Variants in DHX15 observed in about 807,000 individuals in gnomAD.
The protein encoded by DHX15 is ATP-dependent RNA helicase DHX15.
Under a neutral mutation model 94.4 loss-of-function variants are expected in DHX15, and 11 were observed. That is an observed-to-expected ratio of 0.12 (90% CI 0.07 to 0.19). The LOEUF (loss-of-function observed/expected upper bound fraction) is 0.19, where lower values mean the gene tolerates loss of function less well. DHX15 is among the 10% of genes least tolerant of loss of function. DHX15 has a pLI of 1.00. For missense variants in DHX15, 304 were observed against 988.5 expected (o/e 0.31, Z 9.29); for synonymous variants, 338 against 329.9 (o/e 1.02, Z -0.27).
chr4:24,573,750 T>C (rs1722176158), intron 2 of DHX15, among the ~76,000 whole-genome samples: 1 of 152,202 alleles, frequency 6.6e-6, no homozygotes, highest in Admixed American at 6.5e-5. Context: ...ACCCTCTGTA[T>C]TCTAGCCAGA....
Position 24,558,269 on chromosome 4 carries a change from TTG to T in DHX15, c.702-1861_702-1860del, listed in dbSNP as rs200885476. On this transcript the variant is annotated intron_variant, in intron 3 of 13. Transcript: ENST00000336812. ...CCACCAACTACAAGACCTCAGTAGA[TTG>T]TGAGACACATTGTAACTTCAGACAA... Among the ~76,000 whole-genome samples, 3 of 152,146 alleles carry T rather than the reference TTG, an allele frequency of 2.0e-5. No individual in the cohort carries two copies. In the East Asian group the frequency reaches 5.8e-4, roughly 29 times the overall value.
intron 4 of DHX15, among the ~76,000 whole-genome samples, chr4:24,555,967 G>A (rs567224814): frequency 1.2e-4 from 19 of 152,254 alleles, no homozygotes; most frequent in Non-Finnish European, 1.0e-4. Flanking sequence ...ACTTAATGAA[G>A]GGTACAGTGA....
intron 1 of DHX15, among the ~76,000 whole-genome samples, chr4:24,577,213 T>C (rs1722288156): frequency 6.6e-6 from 1 of 152,224 alleles, no homozygotes; most frequent in Non-Finnish European, 1.5e-5. Flanking sequence ...AATAAATTAC[T>C]TTAATATTCC....
At chr4:24,538,841 A>C (rs1247945886) in intron 10 of DHX15, 1 of 152,200 alleles carries the variant, frequency 6.6e-6, no homozygotes, top group Non-Finnish European at 1.5e-5. Flanking sequence ...AAACAACAGT[A>C]ATCATGTAAG....
chr4:24,582,906 A>G (rs1301965113), intron 1 of DHX15, among the ~76,000 whole-genome samples: 1 of 152,174 alleles, frequency 6.6e-6, no homozygotes, highest in Non-Finnish European at 1.5e-5. Flanking sequence ...CTTTTTTACA[A>G]TGCCTAATAT....
In DHX15 at chr4:24,584,489, C is replaced by G; in HGVS notation, c.-96G>C. On this transcript the variant is annotated 5_prime_UTR_variant, in exon 1 of 14. Transcript: ENST00000336812. ...CCACTTAACTCTGGAGGACCCCCAC[C>G]CCTCCCGCTACTACAGCCCACACGG... 1 of 1,210,778 alleles carries G rather than the reference C, an allele frequency of 8.3e-7. No individual in the cohort carries two copies. Among genetic ancestry groups the G allele is most frequent in the Non-Finnish European group, 1.2e-6 (1 of 862,832 alleles). 75.0% of individuals were successfully genotyped at this position (1,210,778 alleles called of 1,614,324 possible).
chr4:24,572,355 C>T (rs553305290), intron 2 of DHX15, among the ~76,000 whole-genome samples: 1 of 152,146 alleles, frequency 6.6e-6, no homozygotes, highest in African/African-American at 2.4e-5. Flanking sequence ...AAGCTGGTGT[C>T]GAACTCCTGA....
intron 1 of DHX15, chr4:24,581,042 T>C (rs191438647): frequency 4.6e-5 from 7 of 151,784 alleles, no homozygotes; most frequent in African/African-American, 1.7e-4. Context: ...ATTATTTTTT[T>C]TTTTTTGAGA....
chr4:24,541,823 T>C (rs1280616967), intron 8 of DHX15, 50 bp downstream of exon 8: 10 of 1,477,644 alleles, frequency 6.8e-6, no homozygotes, highest in African/African-American at 1.4e-5. Flanking sequence ...GGTAAGATAA[T>C]TCAACCTAAC....
At chr4:24,541,163 C>T (rs1000371503) in intron 8 of DHX15, among the ~76,000 whole-genome samples, 9 of 152,078 alleles carry the variant, frequency 5.9e-5, no homozygotes, top group African/African-American at 2.2e-4. Flanking sequence ...CCATAAAACT[C>T]GCAACTGCAG....
intron 2 of DHX15, among the ~76,000 whole-genome samples, chr4:24,575,341 C>T (rs2109011147): frequency 6.6e-6 from 1 of 152,200 alleles, no homozygotes; most frequent in African/African-American, 2.4e-5. Flanking sequence ...CACTTCAATA[C>T]TTTCCTGAAT....
Position 24,576,125 on chromosome 4 carries a change from GCTAT to G in DHX15, c.507+114_507+117del. On this transcript the variant is annotated intron_variant, in intron 2 of 13. Transcript: ENST00000336812. The stretch of plus-strand genomic sequence containing the variant: ...AGAGTGCCAATTAAACATCAAATCA[GCTAT>G]TCTTCAAGATGTTCTATAGGACAGA... The G allele has an allele frequency of 2.3e-5, 17 of 755,152 alleles. No individual in the cohort carries two copies. The South Asian group carries it at 3.2e-4, about 14-fold the overall frequency. The allele number at this position is 755,152 out of a possible 1,614,324, so 46.8% of individuals were successfully genotyped here.
chr4:24,540,250 A>C lies in DHX15; in HGVS notation c.1644T>G (p.Ala548=). ...CAGTCAGATCTCCATCATCATTTAA[A>C]GCAGCCAGGTAATTCAAAAGTTCCA... The part of the protein sequence containing the change: ...RALELLNYLA[A]LNDDGDLTEL... Residue 548 remains alanine, a synonymous_variant, in exon 10 of 14, where the codon GCT becomes GCG. Transcript: ENST00000336812. 1 of 1,613,528 alleles carries C rather than the reference A, an allele frequency of 6.2e-7. No homozygotes were observed.
At chr4:24,546,518 TG>T (rs1202099617) in intron 6 of DHX15, among the ~76,000 whole-genome samples, 1 of 152,260 alleles carries the variant, frequency 6.6e-6, no homozygotes, top group Non-Finnish European at 1.5e-5. Context: ...AAAGAATTAC[TG>T]TAACTTTTAA....
Position 24,576,561 on chromosome 4 carries a change from A to G in DHX15, c.189T>C (p.Ala63=). 1.2e-6 allele frequency: 2 copies of G among 1,614,102 alleles called. No homozygotes were observed. Among genetic ancestry groups the G allele is most frequent in the Non-Finnish European group, 1.7e-6 (2 of 1,180,008 alleles). The change falls in exon 2 of 14, where the codon GCT becomes GCC. Residue 63 remains alanine, a synonymous_variant. Transcript: ENST00000336812. ...CACTGATAAGCATAGCATTTGTTGA[A>G]GCTCGCAACTCCTTCTCCTTTTCTT... ...REKEKEKELR[A]STNAMLISAG...
chr4:24,552,991 T>C (rs2109405559), intron 5 of DHX15, among the ~76,000 whole-genome samples: 1 of 152,362 alleles, frequency 6.6e-6, no homozygotes, highest in East Asian at 1.9e-4. Context: ...ACGCTTATGT[T>C]ATCTGAGAAT....
intron 13 of DHX15, among the ~76,000 whole-genome samples, chr4:24,528,786 A>G (rs1721015781): frequency 6.6e-6 from 1 of 152,216 alleles, no homozygotes. Context: ...TGTAGAAGCT[A>G]GTATGTTAAA....
rs769646072 is a variant in DHX15, at chr4:24,576,573, C to T, written c.177G>A (p.Lys59=). 1.9e-6 allele frequency: 3 copies of T among 1,613,980 alleles called. No individual in the cohort carries two copies. The highest frequency in any genetic ancestry group is 2.7e-5 in the African/African-American group (2 of 74,874). Residue 59 remains lysine, a synonymous_variant, in exon 2 of 14, where the codon AAG becomes AAA. Coordinates refer to ENST00000336812, the MANE Select transcript of DHX15 (RefSeq NM_001358.3). ...REREREKEKE[K]ELRASTNAML... ...TAGCATTTGTTGAAGCTCGCAACTC[C>T]TTCTCCTTTTCTTTCTCCCTCTCTC...
At chr4:24,545,368 T>G (rs1227015258) in intron 6 of DHX15, among the ~76,000 whole-genome samples, 3 of 152,256 alleles carry the variant, frequency 2.0e-5, no homozygotes, top group African/African-American at 4.8e-5. Flanking sequence ...TCATCCTGTG[T>G]GTATGTTTTT....
Sources: allele counts gnomAD v4.1 joint callset (sites outside exome capture counted in the v4.1 genomes callset), GRCh38; gene constraint gnomAD v4.1.1; transcripts MANE v1.5; gene names NCBI Gene and HGNC (gene_info 2026-07-23, HGNC 2026-07-21).